The following LPP variants were observed in gnomAD, a reference collection of about 807,000 sequenced individuals.
The protein encoded by LPP is LIM domain containing preferred translocation partner in lipoma.
A neutral mutation model predicts 60.4 loss-of-function variants in LPP; 38 were observed. The observed-to-expected ratio is 0.63, with a 90% confidence interval of 0.49 to 0.83. The LOEUF is 0.83. Ranked by LOEUF, LPP falls within the 40% of genes least tolerant of loss-of-function variation. LPP has a pLI of 0.00. For synonymous variants in LPP, 328 were observed against 290.8 expected, an observed-to-expected ratio of 1.13 and a Z score of -1.30; for missense variants, 902 against 783.6, an observed-to-expected ratio of 1.15 and a Z score of -1.80.
intron 4 of LPP, among the ~76,000 whole-genome samples, chr3:188,427,060 T>C (rs1789568694): frequency 6.6e-6 from 1 of 152,192 alleles, no homozygotes. Flanking sequence ...GTCTTTACAA[T>C]GCGCTATGTT....
chr3:188,760,409 GGTGTGTGTGTGTGTGTGTGTGTGT>G (rs3841956), intron 9 of LPP, 127 bp downstream of exon 9: 15 of 602,710 alleles, frequency 2.5e-5, no homozygotes, highest in South Asian at 2.3e-4. Context: ...GTGTGTGTGG[GGTGTGTGTGTGTGTGTGTGTGTGT>G]GTGCGTGCGC....
intron 9 of LPP, among the ~76,000 whole-genome samples, chr3:188,836,286 T>C (rs1007065320): frequency 2.6e-5 from 4 of 152,242 alleles, no homozygotes; most frequent in Non-Finnish European, 5.9e-5. Flanking sequence ...TTATTCCCTT[T>C]AGTCTGTAGG....
chr3:188,232,906 A>G (rs2149378422), intron 2 of LPP, among the ~76,000 whole-genome samples: 1 of 152,100 alleles, frequency 6.6e-6, no homozygotes, highest in East Asian at 1.9e-4. Flanking sequence ...CGTAATGTCT[A>G]TAAAGTACCT....
At chr3:188,279,171 G>A (rs1234093017) in intron 2 of LPP, among the ~76,000 whole-genome samples, 1 of 152,154 alleles carries the variant, frequency 6.6e-6, no homozygotes, top group Non-Finnish European at 1.5e-5. Flanking sequence ...AAGTCTCCAA[G>A]GCACAGCCAT....
In LPP at chr3:188,890,584, A is replaced by G. The variant is rs1035525700; in HGVS notation, c.*16105A>G. ...GTTTTTTCAATGCTCTATAAGAATGAATATGGAAATTATATTTCTTTTTTC... is the reference window on the plus strand; with the variant it reads ...GTTTTTTCAATGCTCTATAAGAATGGATATGGAAATTATATTTCTTTTTTC... On this transcript the variant is annotated 3_prime_UTR_variant, in exon 12 of 12. Transcript: ENST00000617246. 1 of 177,202 alleles carries G rather than the reference A, an allele frequency of 5.6e-6. No homozygotes were observed. The highest frequency in any genetic ancestry group is 2.4e-5 in the African/African-American group (1 of 42,334). 11.0% of individuals were successfully genotyped at this position (177,202 alleles called of 1,614,324 possible).
At chr3:188,777,611 G>A (rs941803594) in intron 9 of LPP, among the ~76,000 whole-genome samples, 1 of 152,106 alleles carries the variant, frequency 6.6e-6, no homozygotes, top group East Asian at 1.9e-4. Context: ...GCATGTCAGG[G>A]TCCTGTCTTT....
intron 2 of LPP, among the ~76,000 whole-genome samples, chr3:188,247,782 G>C (rs1191865565): frequency 6.8e-6 from 1 of 148,020 alleles, no homozygotes; most frequent in Non-Finnish European, 1.5e-5. Flanking sequence ...CTGGGCGACA[G>C]AGTGAGACTC....
At chr3:188,617,445 T>A (rs1845069623) in intron 7 of LPP, among the ~76,000 whole-genome samples, 1 of 152,200 alleles carries the variant, frequency 6.6e-6, no homozygotes, top group Non-Finnish European at 1.5e-5. Flanking sequence ...CAGGATGATC[T>A]TATTTCCTAT....
intron 10 of LPP, 102 bp from the exon 11 acceptor site, chr3:188,872,541 G>A: frequency 2.4e-6 from 3 of 1,265,194 alleles, no homozygotes; most frequent in Non-Finnish European, 2.3e-6. Flanking sequence ...GGATGAGGAA[G>A]CAGGTATACC....
At chr3:188,184,127 C>T (rs371546369) in intron 1 of LPP, among the ~76,000 whole-genome samples, 178 of 152,188 alleles carry the variant, frequency 1.2e-3, no homozygotes, top group African/African-American at 4.1e-3. Context: ...TCGGGGCTTC[C>T]AAGATATGAA....
intron 2 of LPP, among the ~76,000 whole-genome samples, chr3:188,246,326 C>T (rs965494425): frequency 2.0e-5 from 3 of 152,088 alleles, no homozygotes; most frequent in African/African-American, 7.2e-5. Context: ...AATTATCAGC[C>T]TCAATAACTT....
chr3:188,701,806 C>T (rs1394458195), intron 7 of LPP, among the ~76,000 whole-genome samples: 2 of 151,448 alleles, frequency 1.3e-5, no homozygotes, highest in African/African-American at 4.9e-5. Flanking sequence ...TTTGCCAATA[C>T]ACTTACTTCA....
chr3:188,175,331 C>T (rs1165408045), intron 1 of LPP, among the ~76,000 whole-genome samples: 1 of 152,032 alleles, frequency 6.6e-6, no homozygotes. Flanking sequence ...TCAAGTGAGC[C>T]GCCTGCTTGG....
intron 7 of LPP, among the ~76,000 whole-genome samples, chr3:188,679,722 A>C (rs1174306404): frequency 1.3e-5 from 2 of 152,158 alleles, no homozygotes; most frequent in Non-Finnish European, 2.9e-5. Flanking sequence ...AATAATAAAC[A>C]ATTTTTAAGA....
chr3:188,724,036 G>A (rs1717458045), intron 8 of LPP, among the ~76,000 whole-genome samples: 3 of 152,070 alleles, frequency 2.0e-5, no homozygotes, highest in South Asian at 2.1e-4. Flanking sequence ...TCTCTAGTCT[G>A]ATTTGATCCT....
chr3:188,466,586 AT>A (rs1800433297), intron 4 of LPP, among the ~76,000 whole-genome samples: 1 of 151,404 alleles, frequency 6.6e-6, no homozygotes, highest in Admixed American at 6.6e-5. Flanking sequence ...TTTCTATTTA[AT>A]TTTTGCCCTT....
intron 2 of LPP, among the ~76,000 whole-genome samples, chr3:188,341,182 A>G (rs1163130019): frequency 6.6e-6 from 1 of 152,178 alleles, no homozygotes; most frequent in East Asian, 1.9e-4. Flanking sequence ...AATTAAGACA[A>G]TGAGTTGCTG....
intron 1 of LPP, among the ~76,000 whole-genome samples, chr3:188,186,486 G>T (rs1381541441): frequency 1.3e-5 from 2 of 152,092 alleles, no homozygotes; most frequent in Admixed American, 1.3e-4. Flanking sequence ...GTGACATCTT[G>T]TAATGGTTTT....
Position 188,484,059 on chromosome 3 carries a change from C to G in LPP, c.194-533C>G, listed in dbSNP as rs1455225799. Among the ~76,000 whole-genome samples the G allele has an allele frequency of 2.0e-5, 3 of 152,142 alleles. No homozygotes were observed. The East Asian group carries it at 5.8e-4, about 29-fold the overall frequency. On this transcript the variant is annotated intron_variant, in intron 4 of 11. Transcript: ENST00000617246. ...TTTTATTCTCTATGCTCTGAACTTT[C>G]TGATCGCCATGCCTACATTCTCCTG...
Sources: gnomAD v4.1 joint callset for allele counts (sites outside exome capture counted in the v4.1 genomes callset) on GRCh38, gnomAD v4.1.1 for gene constraint, MANE v1.5 for transcripts, NCBI Gene and HGNC (gene_info 2026-07-23, HGNC 2026-07-21) for gene names.